TMX4: variants seen among roughly 807,000 people sequenced by gnomAD.
TMX4 encodes thioredoxin related transmembrane protein 4.
TMX4 carries 23 observed loss-of-function variants against 33.3 expected under a neutral mutation model. That is an observed-to-expected ratio of 0.69 (90% CI 0.50 to 0.98). The LOEUF (loss-of-function observed/expected upper bound fraction) is 0.98, where lower values mean the gene tolerates loss of function less well. TMX4 is among the 50% of genes least tolerant of loss of function. TMX4 has a pLI of 0.00. For synonymous variants in TMX4, 164 were observed against 161.5 expected (o/e 1.02, Z -0.12); for missense variants, 399 against 448.9 (o/e 0.89, Z 1.01).
chr20:8,016,296 C>G (rs577543451), intron 1 of TMX4, among the ~76,000 whole-genome samples: 3 of 152,164 alleles, frequency 2.0e-5, no homozygotes, highest in Non-Finnish European at 4.4e-5. Flanking sequence ...TGCTTGAGCC[C>G]GGGAGGCAGA....
At chr20:8,007,908 G>A (rs2050737393) in intron 2 of TMX4, among the ~76,000 whole-genome samples, 1 of 151,980 alleles carries the variant, frequency 6.6e-6, no homozygotes, top group Non-Finnish European at 1.5e-5. Context: ...GACATTATTT[G>A]CCAATTTTCT....
chr20:8,008,503 T>G (rs2050739604), intron 2 of TMX4, among the ~76,000 whole-genome samples: 1 of 152,188 alleles, frequency 6.6e-6, no homozygotes, highest in Non-Finnish European at 1.5e-5. Flanking sequence ...TAAAAATAAC[T>G]GTAAGTCTAC....
In TMX4 at chr20:7,985,277, ATTTTTTTTTT is replaced by A. The variant is rs1214396295; in HGVS notation, c.616-1430_616-1421del. Among the ~76,000 whole-genome samples, 6 of 110,534 alleles carry A rather than the reference ATTTTTTTTTT, an allele frequency of 5.4e-5. No homozygotes were observed. In the East Asian group the frequency reaches 1.3e-3, roughly 23 times the overall value. 72.5% of individuals were successfully genotyped at this position (110,534 alleles called of 152,430 possible). A position where few individuals can be genotyped will look rare whatever the true frequency, so the allele number is the denominator to read the frequency against. On this transcript the variant is annotated intron_variant, in intron 6 of 7. Transcript: ENST00000246024. ...TGTGTGTATATATATATATATATATATTTTTTTTTTTTTTGAGACAGGGTCTAGCTCTGTC... is the reference window on the plus strand; with the variant it reads ...TGTGTGTATATATATATATATATATATTTTGAGACAGGGTCTAGCTCTGTC...
intron 1 of TMX4, among the ~76,000 whole-genome samples, chr20:8,013,144 A>G (rs1421950612): frequency 1.3e-5 from 2 of 152,202 alleles, no homozygotes; most frequent in Non-Finnish European, 2.9e-5. Context: ...GTGTACACAT[A>G]GATACATATA....
intron 5 of TMX4, among the ~76,000 whole-genome samples, chr20:7,994,224 TTTA>T (rs879674881): frequency 1.3e-5 from 2 of 152,104 alleles, no homozygotes; most frequent in Non-Finnish European, 2.9e-5. Flanking sequence ...TAAATATACA[TTTA>T]TATAACATAT....
intron 2 of TMX4, among the ~76,000 whole-genome samples, chr20:8,007,418 T>C (rs968821863): frequency 6.6e-6 from 1 of 152,056 alleles, no homozygotes; most frequent in African/African-American, 2.4e-5. Context: ...TCCTAACCAT[T>C]CTCCCTGCTT....
intron 4 of TMX4, among the ~76,000 whole-genome samples, chr20:7,997,404 C>T (rs2050680999): frequency 6.6e-6 from 1 of 152,026 alleles, no homozygotes; most frequent in Non-Finnish European, 1.5e-5. Flanking sequence ...TCAGAGTTAA[C>T]CACCCCCTCT....
At chr20:8,003,127 T>C (rs1021124446) in intron 2 of TMX4, among the ~76,000 whole-genome samples, 5 of 152,194 alleles carry the variant, frequency 3.3e-5, no homozygotes, top group African/African-American at 9.6e-5. Context: ...GAAAAAGTAC[T>C]GTTATTCCTA....
Position 7,983,848 on chromosome 20 carries a change from C to T in TMX4, c.625G>A (p.Val209Ile), listed in dbSNP as rs766745962. The change falls in exon 7 of 8, where the codon GTA becomes ATA. Residue 209 changes from valine to isoleucine, a missense_variant. Physicochemically the swap from Val to Ile is conservative, Grantham distance 29. Transcript: ENST00000246024. Reference sequence around the variant, plus strand: ...GGCACATAGAAACATTCTGATATTACCACCAAGACCTGGAAGGAAAAAAGT... The same window carrying T: ...GGCACATAGAAACATTCTGATATTATCACCAAGACCTGGAAGGAAAAAAGT... ...FGLFMGLVLV[V>I]ISECFYVPLP... 5.0e-6 allele frequency: 8 copies of T among 1,613,126 alleles called. No homozygotes were observed. In the Admixed American group the frequency reaches 5.0e-5, roughly 10 times the overall value.
At position 8,010,304 on chromosome 20, in the gene TMX4, C is replaced by A; in HGVS notation, c.188G>T (p.Trp63Leu). 6.2e-7 allele frequency: 1 copy of A among 1,608,978 alleles called. No homozygotes were observed. Among genetic ancestry groups the A allele is most frequent in the African/African-American group, 1.3e-5 (1 of 74,842 alleles). The change falls in exon 2 of 8, where the codon TGG becomes TTG. Residue 63 changes from tryptophan (W) to leucine (L), a missense_variant. Transcript: ENST00000246024. ...GEWMLKFYAP[W>L]CPSCQQTDSE... ...ATCAGTCTGCTGGCAGGATGGACAC[C>A]ATGGGGCGTAACTATAAGAGAAGAA...
chr20:8,001,603 G>T, intron 2 of TMX4, 62 bp from the exon 3 acceptor site: 1 of 1,454,142 alleles, frequency 6.9e-7, no homozygotes, highest in Non-Finnish European at 9.4e-7. Context: ...GCATTCTTGA[G>T]CTTACTTTCA....
Position 7,982,606 on chromosome 20 carries a change from G to T in TMX4, c.695C>A (p.Ser232Ter). The change falls in exon 8 of 8, where the codon TCA becomes TAA. Residue 232 changes from serine (S) to a stop codon, truncating the protein, a stop_gained. Transcript: ENST00000246024. LOFTEE classifies it low-confidence loss of function (END_TRUNC). ...LSERSEQNRR[S>*]EEAHRAEQLQ... ...CTGTTCAGCTCTATGAGCCTCCTCT[G>T]ATCTCCGATTCTGCTCTATGGAGGG... is the stretch of plus-strand genomic sequence containing the variant. The T allele has an allele frequency of 6.2e-7, 1 of 1,611,876 alleles. No homozygotes were observed. Among genetic ancestry groups the T allele is most frequent in the South Asian group, 1.1e-5 (1 of 90,982 alleles).
intron 3 of TMX4, among the ~76,000 whole-genome samples, chr20:8,000,207 C>T (rs2050698821): frequency 6.6e-6 from 1 of 152,134 alleles, no homozygotes; most frequent in Non-Finnish European, 1.5e-5. Flanking sequence ...AAGTTTAAAA[C>T]ATTGTATCCA....
rs766341901 is a variant in TMX4 at position 7,987,303 on chromosome 20, G to A, written c.600C>T (p.Gly200=). The part of the protein sequence containing the change: ...VFFVIATLVF[G]LFMGLVLVVI... ...TATCTCTTACCAGACCCATAAAAAG[G>A]CCAAAAACCAAGGTGGCTATGACGA... The change falls in exon 6 of 8, where the codon GGC becomes GGT. Residue 200 remains glycine, a synonymous_variant. Coordinates refer to ENST00000246024, the MANE Select transcript of TMX4 (RefSeq NM_021156.4). The A allele has an allele frequency of 1.1e-5, 18 of 1,590,222 alleles. No individual in the cohort carries two copies. Among genetic ancestry groups the A allele is most frequent in the Middle Eastern group, 1.7e-4 (1 of 6,024 alleles).
At chr20:7,993,533 G>C (rs921147687) in intron 5 of TMX4, among the ~76,000 whole-genome samples, 11 of 152,262 alleles carry the variant, frequency 7.2e-5, no homozygotes, top group African/African-American at 2.4e-4. Flanking sequence ...CTAAAGGTGG[G>C]AGTGGGGACC....
chr20:7,991,320 A>G (rs1316447308), intron 5 of TMX4, among the ~76,000 whole-genome samples: 1 of 152,240 alleles, frequency 6.6e-6, no homozygotes, highest in Non-Finnish European at 1.5e-5. Flanking sequence ...AATCCAATAA[A>G]AAATGCTTTA....
chr20:8,016,703 G>A (rs992718621), intron 1 of TMX4, among the ~76,000 whole-genome samples: 16 of 152,022 alleles, frequency 1.1e-4, no homozygotes, highest in African/African-American at 1.9e-4. Flanking sequence ...ATGACGTGGC[G>A]TATAAAAGAA....
intron 6 of TMX4, among the ~76,000 whole-genome samples, chr20:7,986,620 T>G (rs1224266364): frequency 6.6e-6 from 1 of 152,164 alleles, no homozygotes; most frequent in African/African-American, 2.4e-5. Flanking sequence ...CAAGATTAGG[T>G]TAAGAGAAAT....
Position 7,980,627 on chromosome 20 carries a change from A to T in TMX4, c.*1624T>A, listed in dbSNP as rs994014440. Reference sequence around the variant, plus strand: ...GCACTACTGTCTGAAAAGCACAATTACTGGTGACTCTTAACAAACTTCAGC... The same window carrying T: ...GCACTACTGTCTGAAAAGCACAATTTCTGGTGACTCTTAACAAACTTCAGC... On this transcript the variant is annotated 3_prime_UTR_variant, in exon 8 of 8. Transcript: ENST00000246024. 6.6e-6 allele frequency: 1 copy of T among 152,216 alleles called. No individual in the cohort carries two copies. The highest frequency in any genetic ancestry group is 2.4e-5 in the African/African-American group (1 of 41,446). 9.4% of individuals were successfully genotyped at this position (152,216 alleles called of 1,614,324 possible). A position where few individuals can be genotyped will look rare whatever the true frequency, so the allele number is the denominator to read the frequency against.
Sources: gnomAD v4.1 joint callset for allele counts (sites outside exome capture counted in the v4.1 genomes callset) on GRCh38, gnomAD v4.1.1 for gene constraint, MANE v1.5 for transcripts, NCBI Gene and HGNC (gene_info 2026-07-23, HGNC 2026-07-21) for gene names.